Variants in LRIG2 observed in about 807,000 individuals in gnomAD.
LRIG2 encodes the protein leucine-rich repeats and immunoglobulin-like domains protein 2.
A neutral mutation model predicts 107.8 loss-of-function variants in LRIG2; 93 were observed. The ratio of observed to expected loss-of-function variants is 0.86; its 90% CI spans 0.73 to 1.03. LRIG2 has a LOEUF of 1.03. LRIG2 is among the 50% of genes least tolerant of loss of function. The pLI, the probability that LRIG2 is intolerant of heterozygous loss-of-function variation, is 0.00. For synonymous variants in LRIG2, 471 were observed against 470.6 expected (o/e 1.00, Z -0.01); for missense variants, 1,226 against 1,296.0 (o/e 0.95, Z 0.83).
chr1:113,103,203 C>T (rs1654379797), intron 11 of LRIG2: 1 of 152,174 alleles, frequency 6.6e-6, no homozygotes, highest in Admixed American at 6.6e-5. Flanking sequence ...CTTAAACCTT[C>T]TCCTAGGCCT....
chr1:113,109,071 C>T (rs1038430696), intron 12 of LRIG2, among the ~76,000 whole-genome samples: 1 of 152,076 alleles, frequency 6.6e-6, no homozygotes, highest in Middle Eastern at 3.2e-3. Context: ...AGTTCGGGCT[C>T]ACAAAATACA....
At position 113,116,357 on chromosome 1, in the gene LRIG2, A is replaced by C. The variant is rs753615943; in HGVS notation, c.2601A>C (p.Glu867Asp). The change falls in exon 16 of 18, where the codon GAA becomes GAC. Residue 867 changes from glutamate (E) to aspartate (D), a missense_variant. Transcript: ENST00000361127. ...SSQGTLSEPQ[E>D]GYSNSEAGSH... ...AAGGAACGCTGTCTGAGCCACAGGA[A>C]GGCTACAGCAACTCTGAGGCAGGCA... 1.2e-6 allele frequency: 2 copies of C among 1,614,072 alleles called. No homozygotes were observed. The highest frequency in any genetic ancestry group is 1.7e-6 in the Non-Finnish European group (2 of 1,179,950).
intron 1 of LRIG2, among the ~76,000 whole-genome samples, chr1:113,085,309 G>C (rs1046478273): frequency 3.3e-5 from 5 of 152,110 alleles, no homozygotes; most frequent in African/African-American, 4.8e-5. Flanking sequence ...TTGAGACAGA[G>C]TTTCATTCTT....
At chr1:113,079,329 C>T (rs1778016) in intron 1 of LRIG2, among the ~76,000 whole-genome samples, 133,411 of 145,126 alleles carry the variant, frequency 0.92, 61,894 homozygotes, top group South Asian at 0.98. Context: ...GCCTGGGAGA[C>T]AGAGCAAGAT....
rs1570740988 is a variant in LRIG2, at chr1:113,093,515, A to G, written c.466A>G (p.Ile156Val). The change falls in exon 4 of 18, where the codon ATA becomes GTA. Residue 156 changes from isoleucine to valine, a missense_variant. Transcript: ENST00000361127. ...GAGTTTAGACCTCAGCTCAAATATAATATCAGAAATCAAGACATCTTCATT... is the reference window on the plus strand; with the variant it reads ...GAGTTTAGACCTCAGCTCAAATATAGTATCAGAAATCAAGACATCTTCATT... Reference protein sequence around the residue: ...LESLDLSSNIISEIKTSSFPR... With the variant: ...LESLDLSSNIVSEIKTSSFPR... The G allele has an allele frequency of 1.9e-6, 3 of 1,611,014 alleles. No individual in the cohort carries two copies.
chr1:113,123,878 C>T lies in LRIG2; in HGVS notation c.2975C>T (p.Thr992Ile), dbSNP rs780201953. The change falls in exon 18 of 18, where the codon ACA becomes ATA. Residue 992 changes from threonine to isoleucine, a missense_variant. Thr to Ile is a moderately conservative substitution (Grantham distance 89). Around this residue, in one of 3 missense-constraint regions of LRIG2, gnomAD observed 642 missense variants for 712.2 expected, o/e 0.90. Transcript: ENST00000361127. ...AATTCTTGTCTTTCATTCTCAGAAA[C>T]ATTGCAGCGGCCCGTGTGGAACATA... ...KLPSTQMSGE[T>I]LQRPVWNINR... 3.1e-6 allele frequency: 5 copies of T among 1,613,566 alleles called. No individual in the cohort carries two copies. The highest frequency in any genetic ancestry group is 1.7e-6 in the Non-Finnish European group (2 of 1,179,588).
chr1:113,078,109 C>T (rs568777951), intron 1 of LRIG2, among the ~76,000 whole-genome samples: 41 of 152,048 alleles, frequency 2.7e-4, no homozygotes, highest in Non-Finnish European at 2.9e-5. Context: ...TATATATGTG[C>T]CACATTTTCT....
chr1:113,089,272 T>G (rs1014509014), intron 1 of LRIG2, among the ~76,000 whole-genome samples: 7 of 152,210 alleles, frequency 4.6e-5, no homozygotes, highest in African/African-American at 1.7e-4. Flanking sequence ...GGCAGACAGC[T>G]TGTGTGGGCT....
rs182499282 is a variant in LRIG2, at chr1:113,077,213, C to T, written c.239+3568C>T. On this transcript the variant is annotated intron_variant, in intron 1 of 17. Transcript: ENST00000361127. The stretch of plus-strand genomic sequence containing the variant: ...AGGCTGGAGTGAAGCAGCCTGATCT[C>T]GGCTCACTGCAACCTCTGTCGCCCG... Among the ~76,000 whole-genome samples the T allele has an allele frequency of 1.5e-3, 221 of 151,688 alleles. 2 individuals are homozygous for T. Among genetic ancestry groups the T allele is most frequent in the Non-Finnish European group, 1.8e-3 (120 of 67,962 alleles).
Position 113,073,495 on chromosome 1 carries a change from C to T in LRIG2, c.89C>T (p.Thr30Ile), listed in dbSNP as rs751227187. 9.3e-6 allele frequency: 15 copies of T among 1,614,070 alleles called. No individual in the cohort carries two copies. The highest frequency in any genetic ancestry group is 3.3e-4 in the Middle Eastern group (2 of 6,084). Residue 30 changes from threonine (T) to isoleucine (I), a missense_variant, in exon 1 of 18, where the codon ACC (threonine) becomes ATC (isoleucine). Physicochemically the swap from Thr to Ile is moderately conservative, Grantham distance 89. Around this residue, in one of 3 missense-constraint regions of LRIG2, gnomAD observed 570 missense variants for 550.2 expected, o/e 1.04. Transcript: ENST00000361127. ...VLSRLLFIAQ[T>I]ALLLLPAAGA... is the part of the protein sequence containing the mutation. The stretch of plus-strand genomic sequence containing the variant: ...TCTCGGTTACTCTTCATTGCCCAGA[C>T]CGCTCTCCTCCTGTTGCCCGCCGCC...
At position 113,122,075 on chromosome 1, in the gene LRIG2, CTTTTTT is replaced by C. The variant is rs758568453; in HGVS notation, c.2972-1782_2972-1777del. 5.7e-5 allele frequency among the ~76,000 whole-genome samples: 5 copies of C among 87,084 alleles called. No homozygotes were observed. The East Asian group carries it at 1.5e-3, about 27-fold the overall frequency. 57.1% of individuals were successfully genotyped at this position (87,084 alleles called of 152,430 possible). On this transcript the variant is annotated intron_variant, in intron 17 of 17. Coordinates refer to ENST00000361127, the MANE Select transcript of LRIG2 (RefSeq NM_014813.3). Reference sequence around the variant, plus strand: ...CTGCAAGTATCTGAGTTAGGCTCACCTTTTTTTTTTTTTTTTTTTTTTTGAGATACA... The same window carrying C: ...CTGCAAGTATCTGAGTTAGGCTCACCTTTTTTTTTTTTTTTTTGAGATACA...
intron 6 of LRIG2, among the ~76,000 whole-genome samples, chr1:113,095,212 C>T (rs1407058947): frequency 6.6e-6 from 1 of 151,904 alleles, no homozygotes; most frequent in Non-Finnish European, 1.5e-5. Context: ...ACCTCATGAT[C>T]CACCCACCTT....
intron 1 of LRIG2, among the ~76,000 whole-genome samples, chr1:113,081,262 T>G (rs1653270099): frequency 6.6e-6 from 1 of 152,188 alleles, no homozygotes; most frequent in Admixed American, 6.5e-5. Flanking sequence ...CTTATCTTTG[T>G]TTTTATAGAG....
At position 113,081,241 on chromosome 1, in the gene LRIG2, T is replaced by G. The variant is rs538210707; in HGVS notation, c.239+7596T>G. On this transcript the variant is annotated intron_variant, in intron 1 of 17. Transcript: ENST00000361127. ...GAAAAACGTATCCACAAGTAATCTT[T>G]CATTTTTTCCCTTATCTTTGTTTTT... 5.5e-4 allele frequency among the ~76,000 whole-genome samples: 83 copies of G among 152,238 alleles called. No homozygotes were observed. The South Asian group carries it at 0.017, about 32-fold the overall frequency.
chr1:113,090,043 C>T (rs1281934141), intron 1 of LRIG2, among the ~76,000 whole-genome samples: 2 of 151,518 alleles, frequency 1.3e-5, no homozygotes, highest in Non-Finnish European at 2.9e-5. Flanking sequence ...ATGTGGTCAA[C>T]TTCAATTTTA....
chr1:113,083,029 C>G (rs1419701187), intron 1 of LRIG2, among the ~76,000 whole-genome samples: 1 of 151,816 alleles, frequency 6.6e-6, no homozygotes, highest in African/African-American at 2.4e-5. Flanking sequence ...CCCACCTCAG[C>G]CTTCCAAGTA....
chr1:113,127,939 A>T lies in LRIG2; in HGVS notation c.*3838A>T, dbSNP rs891974748. ...TCTGATACCAAAGAGCTTTAGGTAA[A>T]TAACTTCACACTCTAATGCAATGTA... On this transcript the variant is annotated 3_prime_UTR_variant, in exon 18 of 18. Transcript: ENST00000361127. The T allele has an allele frequency of 2.0e-4, 5 of 25,080 alleles. No individual in the cohort carries two copies. Among genetic ancestry groups the T allele is most frequent in the Admixed American group, 7.5e-4 (1 of 1,338 alleles). The allele number at this position is 25,080 out of a possible 1,614,324, so 1.6% of individuals were successfully genotyped here. A position where few individuals can be genotyped will look rare whatever the true frequency, so the allele number is the denominator to read the frequency against.
chr1:113,107,906 AAT>A, intron 12 of LRIG2, 149 bp downstream of exon 12: 1 of 673,608 alleles, frequency 1.5e-6, no homozygotes, highest in Non-Finnish European at 2.4e-6. Flanking sequence ...CATTTTAATG[AAT>A]GAAGGCTTTT....
At chr1:113,122,731 G>C (rs533816535) in intron 17 of LRIG2, among the ~76,000 whole-genome samples, 14 of 152,154 alleles carry the variant, frequency 9.2e-5, no homozygotes, top group Non-Finnish European at 1.8e-4. Context: ...TTGACTATCA[G>C]CATCACCGTT....
Sources: allele counts gnomAD v4.1 joint callset (sites outside exome capture counted in the v4.1 genomes callset), GRCh38; gene constraint gnomAD v4.1.1; regional missense constraint gnomAD v4.1.1; transcripts MANE v1.5; gene names NCBI Gene and HGNC (gene_info 2026-07-23, HGNC 2026-07-21).